Variants in SLC9A9 observed in about 807,000 individuals in gnomAD.
SLC9A9 encodes the protein sodium/hydrogen exchanger 9.
A neutral mutation model predicts 77.8 loss-of-function variants in SLC9A9; 62 were observed. That is an observed-to-expected ratio of 0.80 (90% confidence interval 0.65 to 0.98). The LOEUF (loss-of-function observed/expected upper bound fraction) is 0.98. Ranked by LOEUF, SLC9A9 falls within the 50% of genes least tolerant of loss-of-function variation. SLC9A9 has a pLI of 0.00. For missense variants in SLC9A9, 775 were observed against 774.9 expected (o/e 1.00, Z 0.00); for synonymous variants, 320 against 283.5 (o/e 1.13, Z -1.29).
chr3:143,843,154 C>A (rs1473235337), intron 1 of SLC9A9, among the ~76,000 whole-genome samples: 1 of 152,060 alleles, frequency 6.6e-6, no homozygotes, highest in Non-Finnish European at 1.5e-5. Context: ...CTTGGAAGGA[C>A]CTTCAGCCAG....
At chr3:143,681,089 C>T (rs1169744026) in intron 5 of SLC9A9, among the ~76,000 whole-genome samples, 1 of 152,182 alleles carries the variant, frequency 6.6e-6, no homozygotes, top group African/African-American at 2.4e-5. Context: ...CCACTCTCTC[C>T]TCTTGTTGCT....
At position 143,493,732 on chromosome 3, in the gene SLC9A9, T is replaced by C. The variant is rs1234954159; in HGVS notation, c.1236A>G (p.Ile412Met). 1.2e-6 allele frequency: 2 copies of C among 1,614,104 alleles called. No individual in the cohort carries two copies. The highest frequency in any genetic ancestry group is 1.7e-5 in the Admixed American group (1 of 60,026). Reference sequence around the variant, plus strand: ...GATTCAGGAGGAAGGAGAGGGGATATATGTTGCAGGCTCTGGCAACAAAAA... The same window carrying C: ...GATTCAGGAGGAAGGAGAGGGGATACATGTTGCAGGCTCTGGCAACAAAAA... ...LAIFVARACN[I>M]YPLSFLLNLG... The change falls in exon 11 of 16, where the codon ATA becomes ATG. Residue 412 changes from isoleucine to methionine, a missense_variant. By Grantham distance (10) the Ile-to-Met change is conservative. Coordinates refer to ENST00000316549, the MANE Select transcript of SLC9A9 (RefSeq NM_173653.4).
intron 13 of SLC9A9, among the ~76,000 whole-genome samples, chr3:143,365,881 G>A (rs2032887147): frequency 6.6e-6 from 1 of 152,134 alleles, no homozygotes; most frequent in South Asian, 2.1e-4. Context: ...CTCATGTTGA[G>A]CTAAACTAGT....
chr3:143,677,851 G>A (rs1204393516), intron 5 of SLC9A9, among the ~76,000 whole-genome samples: 1 of 123,582 alleles, frequency 8.1e-6, no homozygotes, highest in Admixed American at 9.3e-5. Context: ...TTTTGAGACA[G>A]AGTCTCGCTC....
intron 12 of SLC9A9, among the ~76,000 whole-genome samples, chr3:143,410,463 G>A (rs2034075991): frequency 6.6e-6 from 1 of 151,974 alleles, no homozygotes; most frequent in South Asian, 2.1e-4. Context: ...CATTACCCAA[G>A]CCCAAATTCT....
intron 6 of SLC9A9, chr3:143,627,692 CT>C (rs2038356055): frequency 6.2e-6 from 1 of 161,382 alleles, no homozygotes; most frequent in African/African-American, 2.4e-5. Context: ...CAGTTGAGAA[CT>C]GAATTGGTCC....
At chr3:143,505,450 G>A (rs1252390106) in intron 9 of SLC9A9, among the ~76,000 whole-genome samples, 1 of 152,140 alleles carries the variant, frequency 6.6e-6, no homozygotes, top group Non-Finnish European at 1.5e-5. Context: ...ATGTCATCCA[G>A]TTTGGCAGGC....
intron 9 of SLC9A9, among the ~76,000 whole-genome samples, chr3:143,528,956 A>G (rs868461684): frequency 2.0e-5 from 3 of 152,216 alleles, no homozygotes; most frequent in South Asian, 4.1e-4. Context: ...TGGAAATGTG[A>G]AGCCATCAAG....
At chr3:143,452,564 T>C (rs1008550905) in intron 12 of SLC9A9, among the ~76,000 whole-genome samples, 1 of 150,798 alleles carries the variant, frequency 6.6e-6, no homozygotes, top group Non-Finnish European at 1.5e-5. Flanking sequence ...TCCTGAATTT[T>C]AAAATATCTT....
intron 14 of SLC9A9, among the ~76,000 whole-genome samples, chr3:143,315,248 GT>G (rs1158716243): frequency 6.6e-6 from 1 of 152,170 alleles, no homozygotes; most frequent in Non-Finnish European, 1.5e-5. Context: ...ACTAATGGAA[GT>G]CACATTTTAT....
intron 6 of SLC9A9, among the ~76,000 whole-genome samples, chr3:143,631,777 A>G (rs891239731): frequency 3.3e-5 from 5 of 152,136 alleles, no homozygotes; most frequent in African/African-American, 1.2e-4. Context: ...GTTTTTCCAA[A>G]AGAAACTAGA....
At chr3:143,426,337 A>G (rs955682235) in intron 12 of SLC9A9, among the ~76,000 whole-genome samples, 3 of 152,184 alleles carry the variant, frequency 2.0e-5, no homozygotes, top group Non-Finnish European at 4.4e-5. Flanking sequence ...ATTTTAATCA[A>G]CCCTTTTATA....
intron 1 of SLC9A9, 43 bp from the exon 2 acceptor site, chr3:143,832,264 C>T (rs745723522): frequency 2.0e-6 from 3 of 1,528,748 alleles, no homozygotes; most frequent in Non-Finnish European, 2.7e-6. Context: ...GGAAGGCAAT[C>T]TAAAATGCCA....
rs1370011629 is a variant in SLC9A9 at position 143,665,309 on chromosome 3, C to T, written c.650-12949G>A. 2.0e-5 allele frequency among the ~76,000 whole-genome samples: 3 copies of T among 152,210 alleles called. No individual in the cohort carries two copies. In the East Asian group the frequency reaches 5.8e-4, roughly 29 times the overall value. On this transcript the variant is annotated intron_variant, in intron 5 of 15. Coordinates refer to ENST00000316549, the MANE Select transcript of SLC9A9 (RefSeq NM_173653.4). ...GAATGAGAACAAAGACACAACATAC[C>T]AGAATCTCTGGGACACATTTAAAGC...
At chr3:143,440,364 G>C (rs73867637) in intron 12 of SLC9A9, among the ~76,000 whole-genome samples, 20,367 of 152,128 alleles carry the variant, frequency 0.13, 1,455 homozygotes, top group Middle Eastern at 0.19. Flanking sequence ...GCAGAGTAAG[G>C]GGAAACACCC....
intron 5 of SLC9A9, among the ~76,000 whole-genome samples, chr3:143,668,791 T>C (rs2039114155): frequency 6.6e-6 from 1 of 152,218 alleles, no homozygotes; most frequent in Non-Finnish European, 1.5e-5. Flanking sequence ...GCCCTCGTAA[T>C]CAGGAACTTC....
chr3:143,750,903 G>C (rs2006687645), intron 4 of SLC9A9, among the ~76,000 whole-genome samples: 1 of 152,154 alleles, frequency 6.6e-6, no homozygotes. Flanking sequence ...GATTGCAACT[G>C]TATGGGGCAG....
intron 9 of SLC9A9, among the ~76,000 whole-genome samples, chr3:143,529,306 C>A (rs145940679): frequency 6.6e-6 from 1 of 152,292 alleles, no homozygotes; most frequent in Non-Finnish European, 1.5e-5. Flanking sequence ...GAGAAAAAGT[C>A]CAAGTTCACT....
intron 4 of SLC9A9, among the ~76,000 whole-genome samples, chr3:143,707,115 G>T (rs1387923407): frequency 6.6e-6 from 1 of 152,128 alleles, no homozygotes; most frequent in African/African-American, 2.4e-5. Context: ...AATTTTGTTT[G>T]CAAGGGCCAT....
Sources: gnomAD v4.1 joint callset for allele counts (sites outside exome capture counted in the v4.1 genomes callset) on GRCh38, gnomAD v4.1.1 for gene constraint, MANE v1.5 for transcripts, NCBI Gene and HGNC (gene_info 2026-07-23, HGNC 2026-07-21) for gene names.